Variants in CAST observed in about 807,000 individuals in gnomAD.
CAST encodes the protein MIR583 host.
In CAST, 76 loss-of-function variants were observed where a neutral mutation model predicts 119.6. The ratio of observed to expected loss-of-function variants is 0.64; its 90% CI spans 0.53 to 0.77. The LOEUF is 0.77. Ranked by LOEUF, CAST falls within the 30% of genes least tolerant of loss-of-function variation. The probability of loss-of-function intolerance (pLI) is 0.00; values close to 1 mark genes in which losing one functional copy is unlikely to be tolerated. For synonymous variants in CAST, 319 were observed against 331.6 expected (o/e 0.96, Z 0.41); for missense variants, 953 against 946.5 (o/e 1.01, Z -0.09).
chr5:96,498,859 T>C, the CAST span, among the ~76,000 whole-genome samples: 1 of 152,088 alleles, frequency 6.6e-6, no homozygotes, highest in Admixed American at 6.5e-5. Flanking sequence ...CTGATGGACA[T>C]GGGGCTACAA....
chr5:96,470,947 A>G, the CAST span, among the ~76,000 whole-genome samples: 1 of 152,124 alleles, frequency 6.6e-6, no homozygotes, highest in Non-Finnish European at 1.5e-5. Context: ...TGAAACTGAT[A>G]AAAATGACCT....
the CAST span, among the ~76,000 whole-genome samples, chr5:96,328,921 A>G: frequency 6.6e-6 from 1 of 152,144 alleles, no homozygotes; most frequent in Non-Finnish European, 1.5e-5. Flanking sequence ...TATTATTCAT[A>G]TGGTATATTT....
chr5:96,662,165 G>A (rs998852349), upstream of CAST: 4 of 408,250 alleles, frequency 9.8e-6, no homozygotes, highest in East Asian at 1.7e-4. Flanking sequence ...CGGGTCACCG[G>A]GTGAGGACCG....
the CAST span, among the ~76,000 whole-genome samples, chr5:96,011,834 G>C: frequency 6.6e-6 from 1 of 152,040 alleles, no homozygotes; most frequent in Non-Finnish European, 1.5e-5. Flanking sequence ...TGCTTGTTAT[G>C]GGAAAGTAAA....
chr5:96,006,000 A>T, the CAST span, among the ~76,000 whole-genome samples: 6 of 152,178 alleles, frequency 3.9e-5, no homozygotes, highest in Non-Finnish European at 5.9e-5. Flanking sequence ...TAGGTTTTAG[A>T]TTTTGAGTTA....
the CAST span, among the ~76,000 whole-genome samples, chr5:96,173,161 TC>T: frequency 6.6e-6 from 1 of 152,058 alleles, no homozygotes; most frequent in Non-Finnish European, 1.5e-5. Context: ...AGGCTGAGAC[TC>T]CCCAAACATG....
chr5:96,648,717 C>CGTGT (rs72068689), intron 1 of CAST, among the ~76,000 whole-genome samples: 33,307 of 148,732 alleles, frequency 0.22, 3,889 homozygotes, highest in East Asian at 0.36. Context: ...TATATATATG[C>CGTGT]GTGTGTGTGT....
chr5:96,635,514 C>G (rs1244232486), intron 1 of CAST, among the ~76,000 whole-genome samples: 1 of 152,176 alleles, frequency 6.6e-6, no homozygotes, highest in African/African-American at 2.4e-5. Flanking sequence ...CCATCCAATA[C>G]TGGTTTAAAG....
At chr5:96,444,769 C>CT in the CAST span, among the ~76,000 whole-genome samples, 5 of 151,668 alleles carry the variant, frequency 3.3e-5, no homozygotes, top group African/African-American at 1.2e-4. Flanking sequence ...TTATTTTTTG[C>CT]TTTTTTTCCT....
At chr5:96,736,057 G>A (rs1342246108) in intron 9 of CAST, 115 bp from the exon 10 acceptor site, 8 of 638,460 alleles carry the variant, frequency 1.3e-5, no homozygotes, top group Non-Finnish European at 2.2e-5. Flanking sequence ...CTGTAGAGCG[G>A]ATGTTCAGTG....
At chr5:96,273,890 C>A in the CAST span, among the ~76,000 whole-genome samples, 3 of 152,068 alleles carry the variant, frequency 2.0e-5, no homozygotes, top group Admixed American at 2.0e-4. Context: ...GATCATATAC[C>A]AACACATCCC....
chr5:96,677,504 T>C lies in CAST; in HGVS notation c.138+1903T>C, dbSNP rs551740555. Reference sequence around the variant, plus strand: ...AAAGGAAAACACTGTTAAGAAGCCATGTTATAAGAGGCAGACTTTGATTTA... The same window carrying C: ...AAAGGAAAACACTGTTAAGAAGCCACGTTATAAGAGGCAGACTTTGATTTA... On this transcript the variant is annotated intron_variant, in intron 2 of 31. Coordinates refer to ENST00000675179, the MANE Select transcript of CAST (RefSeq NM_001750.7). Among the ~76,000 whole-genome samples, 4 of 152,354 alleles carry C rather than the reference T, an allele frequency of 2.6e-5. No homozygotes were observed. In the East Asian group the frequency reaches 7.7e-4, roughly 29 times the overall value.
the CAST span, among the ~76,000 whole-genome samples, chr5:96,464,402 T>C: frequency 2.0e-5 from 3 of 152,180 alleles, no homozygotes; most frequent in South Asian, 6.2e-4. Context: ...TTTAATTGAA[T>C]TCAAGGTCCA....
the CAST span, among the ~76,000 whole-genome samples, chr5:96,109,281 T>A: frequency 1.3e-5 from 2 of 152,374 alleles, no homozygotes; most frequent in East Asian, 3.9e-4. Context: ...ATAACATTTT[T>A]AAACATGCTT....
intron 2 of CAST, among the ~76,000 whole-genome samples, chr5:96,688,276 A>G (rs1426422206): frequency 1.3e-5 from 2 of 152,218 alleles, no homozygotes; most frequent in Non-Finnish European, 2.9e-5. Flanking sequence ...AAATGTTAGA[A>G]ATATGATTAA....
the CAST span, among the ~76,000 whole-genome samples, chr5:96,371,027 T>C: frequency 6.6e-6 from 1 of 152,096 alleles, no homozygotes; most frequent in Non-Finnish European, 1.5e-5. Flanking sequence ...CGTTAGCAGA[T>C]GGTAGTCTAC....
the CAST span, among the ~76,000 whole-genome samples, chr5:96,183,876 A>G: frequency 6.6e-6 from 1 of 152,234 alleles, no homozygotes; most frequent in South Asian, 2.1e-4. Context: ...ATATGCTATT[A>G]AAAACATAAA....
chr5:96,499,532 T>A, the CAST span, among the ~76,000 whole-genome samples: 1 of 152,360 alleles, frequency 6.6e-6, no homozygotes, highest in East Asian at 1.9e-4. Flanking sequence ...CACATTCATG[T>A]CTACTGACTG....
chr5:96,397,305 T>C, the CAST span: 24 of 1,601,848 alleles, frequency 1.5e-5, no homozygotes, highest in East Asian at 2.2e-5. Flanking sequence ...AAAGTAAGCT[T>C]GTGTTTTTTC....
Sources: allele counts gnomAD v4.1 joint callset (sites outside exome capture counted in the v4.1 genomes callset), GRCh38; gene constraint gnomAD v4.1.1; transcripts MANE v1.5; gene names NCBI Gene and HGNC (gene_info 2026-07-23, HGNC 2026-07-21).